The following LAMA2 variants were observed in gnomAD, a reference collection of about 807,000 sequenced individuals.
LAMA2 encodes laminin subunit alpha-2.
A neutral mutation model predicts 364.8 loss-of-function variants in LAMA2; 269 were observed. The ratio of observed to expected loss-of-function variants is 0.74; its 90% CI spans 0.67 to 0.82. The LOEUF (loss-of-function observed/expected upper bound fraction) is 0.82, where lower values mean the gene tolerates loss of function less well. LAMA2 is among the 40% of genes least tolerant of loss of function. The pLI, the probability that LAMA2 is intolerant of heterozygous loss-of-function variation, is 0.00. For synonymous variants in LAMA2, 1,379 were observed against 1,370.6 expected (o/e 1.01, Z -0.14); for missense variants, 3,807 against 3,873.2 (o/e 0.98, Z 0.45).
chr6:129,125,943 T>C (rs1777090989), intron 4 of LAMA2, among the ~76,000 whole-genome samples: 1 of 151,940 alleles, frequency 6.6e-6, no homozygotes, highest in Non-Finnish European at 1.5e-5. Flanking sequence ...CAATAAAAAA[T>C]AAAAAGCCAT....
intron 32 of LAMA2, among the ~76,000 whole-genome samples, chr6:129,365,625 AG>A (rs1293627257): frequency 6.7e-6 from 1 of 149,782 alleles, no homozygotes; most frequent in Non-Finnish European, 1.5e-5. Context: ...GGCCTCTCAA[AG>A]TGTTGGGATT....
rs1583168692 is a variant in LAMA2, at chr6:129,165,504, A to G, written c.1207-72A>G. 4.2e-6 allele frequency: 4 copies of G among 952,158 alleles called. No individual in the cohort carries two copies. In the East Asian group the frequency reaches 1.0e-4, roughly 24 times the overall value. 59.0% of individuals were successfully genotyped at this position (952,158 alleles called of 1,614,324 possible). ...TATTATTAAAACTACTTTGTCTATA[A>G]AAGTTTGCTGAAGTGAAAAATATTG... On this transcript the variant is annotated intron_variant, in intron 8 of 64. Coordinates refer to ENST00000421865, the MANE Select transcript of LAMA2 (RefSeq NM_000426.4).
chr6:129,180,070 T>C (rs1287016838), intron 10 of LAMA2, among the ~76,000 whole-genome samples: 2 of 151,606 alleles, frequency 1.3e-5, no homozygotes, highest in African/African-American at 4.9e-5. Context: ...AAAAGACACT[T>C]AGTGTAGTGT....
At chr6:129,393,922 G>A (rs1007535667) in intron 37 of LAMA2, among the ~76,000 whole-genome samples, 2 of 152,268 alleles carry the variant, frequency 1.3e-5, no homozygotes, top group South Asian at 2.1e-4. Flanking sequence ...TCAGGTCTGC[G>A]TTATTTTCTC....
chr6:129,433,907 C>T (rs777146325), intron 41 of LAMA2, among the ~76,000 whole-genome samples: 23 of 152,110 alleles, frequency 1.5e-4, no homozygotes, highest in East Asian at 3.8e-4. Flanking sequence ...TCATACATCT[C>T]CCAGTTTATT....
At chr6:129,020,849 T>A (rs1785407826) in intron 1 of LAMA2, among the ~76,000 whole-genome samples, 1 of 152,044 alleles carries the variant, frequency 6.6e-6, no homozygotes. Flanking sequence ...AGAGAGAACT[T>A]GGTTCTAAGG....
At chr6:129,104,237 A>G (rs898274654) in intron 4 of LAMA2, among the ~76,000 whole-genome samples, 2 of 152,126 alleles carry the variant, frequency 1.3e-5, no homozygotes, top group Non-Finnish European at 2.9e-5. Flanking sequence ...GCCTCAAGTG[A>G]TCTTTCCACC....
intron 12 of LAMA2, among the ~76,000 whole-genome samples, chr6:129,228,776 A>G (rs556893780): frequency 4.6e-5 from 7 of 152,336 alleles, no homozygotes; most frequent in South Asian, 2.1e-4. Context: ...TTAATCTTTC[A>G]TGCACAATAA....
At chr6:129,067,581 A>G (rs1394718978) in intron 3 of LAMA2, among the ~76,000 whole-genome samples, 1 of 152,192 alleles carries the variant, frequency 6.6e-6, no homozygotes, top group African/African-American at 2.4e-5. Context: ...ATTAGTACAG[A>G]TCACACAACA....
intron 12 of LAMA2, among the ~76,000 whole-genome samples, chr6:129,246,862 G>A (rs1785787482): frequency 6.6e-6 from 1 of 152,106 alleles, no homozygotes; most frequent in African/African-American, 2.4e-5. Flanking sequence ...AAAGCAAGAG[G>A]AAAGGGCAAC....
At chr6:128,967,690 C>T (rs1364406980) in intron 1 of LAMA2, among the ~76,000 whole-genome samples, 1 of 152,100 alleles carries the variant, frequency 6.6e-6, no homozygotes, top group Non-Finnish European at 1.5e-5. Context: ...TGAGTGGGAC[C>T]AGTTTATACA....
Position 129,147,047 on chromosome 6 carries a change from A to C in LAMA2, c.908A>C (p.Asn303Thr), listed in dbSNP as rs753228224. The change falls in exon 6 of 65, where the codon AAT (asparagine) becomes ACT (threonine). Residue 303 changes from asparagine to threonine, a missense_variant and splice_region_variant. Transcript: ENST00000421865. ...GCTTGTCCACTTGATCCAGCGACAA[A>C]TGTATGTATATTTATAGGATGCTTA... ...ARACPLDPAT[N>T]KSRCECEHNT... is the part of the protein sequence containing the mutation. 2.9e-5 allele frequency: 46 copies of C among 1,586,728 alleles called. No individual in the cohort carries two copies. Among genetic ancestry groups the C allele is most frequent in the Non-Finnish European group, 3.8e-5 (44 of 1,155,242 alleles).
chr6:128,995,932 GCT>G (rs776918681), intron 1 of LAMA2, among the ~76,000 whole-genome samples: 4 of 152,052 alleles, frequency 2.6e-5, no homozygotes, highest in Non-Finnish European at 2.9e-5. Flanking sequence ...GTCAAGCCCT[GCT>G]CTCTTTTACT....
At chr6:129,129,830 A>G (rs1777351234) in intron 4 of LAMA2, among the ~76,000 whole-genome samples, 1 of 148,680 alleles carries the variant, frequency 6.7e-6, no homozygotes, top group African/African-American at 2.5e-5. Flanking sequence ...AGGCTGAGGC[A>G]GGAGAATGGC....
intron 1 of LAMA2, among the ~76,000 whole-genome samples, chr6:128,953,737 C>G (rs1043202509): frequency 6.6e-6 from 1 of 151,798 alleles, no homozygotes; most frequent in African/African-American, 2.4e-5. Context: ...TGACTAGTTT[C>G]TTTATCGTTC....
intron 12 of LAMA2, among the ~76,000 whole-genome samples, chr6:129,211,386 C>T (rs1331323348): frequency 6.6e-6 from 1 of 152,304 alleles, no homozygotes; most frequent in African/African-American, 2.4e-5. Context: ...AACTCTTTTT[C>T]TACCTCCAAC....
chr6:129,442,997 T>C (rs542830084), intron 43 of LAMA2, 66 bp from the exon 44 acceptor site: 1 of 1,235,106 alleles, frequency 8.1e-7, no homozygotes, highest in South Asian at 1.3e-5. Context: ...ATAATATTTA[T>C]AGAAAATACT....
chr6:129,365,810 T>G (rs1249248419), intron 32 of LAMA2, among the ~76,000 whole-genome samples: 4 of 152,170 alleles, frequency 2.6e-5, no homozygotes, highest in African/African-American at 9.7e-5. Context: ...GCACCACACA[T>G]TTAGACTCTG....
chr6:128,935,841 A>G (rs1156397910), intron 1 of LAMA2, among the ~76,000 whole-genome samples: 1 of 152,132 alleles, frequency 6.6e-6, no homozygotes, highest in East Asian at 1.9e-4. Flanking sequence ...TGGGAGTGGT[A>G]AGACTGGGCA....
Sources: allele counts gnomAD v4.1 joint callset (sites outside exome capture counted in the v4.1 genomes callset), GRCh38; gene constraint gnomAD v4.1.1; transcripts MANE v1.5; gene names NCBI Gene and HGNC (gene_info 2026-07-23, HGNC 2026-07-21).